Variants in TNKS1BP1 observed in about 807,000 individuals in gnomAD.
TNKS1BP1 encodes 182 kDa tankyrase-1-binding protein.
Under a neutral mutation model 141.1 loss-of-function variants are expected in TNKS1BP1, and 48 were observed. The observed-to-expected ratio is 0.34, with a 90% CI of 0.27 to 0.43. The LOEUF is 0.43. Ranked by LOEUF, TNKS1BP1 falls within the 20% of genes least tolerant of loss-of-function variation. The pLI is 1.00. For missense variants in TNKS1BP1, 2,149 were observed against 2,226.0 expected (o/e 0.97, Z 0.70); for synonymous variants, 875 against 898.2 (o/e 0.97, Z 0.46).
intron 6 of TNKS1BP1, among the ~76,000 whole-genome samples, chr11:57,307,336 C>A (rs922685935): frequency 2.6e-5 from 4 of 152,280 alleles, no homozygotes; most frequent in Middle Eastern, 3.4e-3. Flanking sequence ...GTCCTCAATG[C>A]AGCCTCAGTG....
chr11:57,309,547 T>G lies in TNKS1BP1; in HGVS notation c.3164A>C (p.Gln1055Pro). ...TCTCTCCTGATGCCCTCCCACCTCC[T>G]GGCTAGCATCACTGTTTTGCCAGCT... ...QSSWQNSDAS[Q>P]EVGGHQERQQ... Residue 1055 changes from glutamine to proline, a missense_variant, in exon 6 of 12, where the codon CAG becomes CCG. Transcript: ENST00000358252. The surrounding 1 kb of genome is among the most constrained non-coding windows in gnomAD (Gnocchi z 4.3). The G allele has an allele frequency of 6.2e-7, 1 of 1,613,434 alleles. No individual in the cohort carries two copies. Among genetic ancestry groups the G allele is most frequent in the South Asian group, 1.1e-5 (1 of 91,082 alleles).
At position 57,299,757 on chromosome 11, in the gene TNKS1BP1, T is replaced by TA. The variant is rs1855497478; in HGVS notation, c.*336dup. On this transcript the variant is annotated 3_prime_UTR_variant, in exon 12 of 12. Transcript: ENST00000358252. The stretch of plus-strand genomic sequence containing the variant: ...GGCAGGGATACAGTCCCACCCATTA[T>TA]AAAAATCAAAGGCTTTTATAAAAAA... 1 of 154,614 alleles carries TA rather than the reference T, an allele frequency of 6.5e-6. No homozygotes were observed. The highest frequency in any genetic ancestry group is 1.5e-5 in the Non-Finnish European group (1 of 68,164). The allele number at this position is 154,614 out of a possible 1,614,324, so 9.6% of individuals were successfully genotyped here. A position where few individuals can be genotyped will look rare whatever the true frequency, so the allele number is the denominator to read the frequency against.
At position 57,312,800 on chromosome 11, in the gene TNKS1BP1, G is replaced by T. The variant is rs140606307; in HGVS notation, c.1888C>A (p.Pro630Thr). ...GGGGCATCAGCAAAGAGAACACAGG[G>T]CTGGTCAGGGGCTGCTGGCTGCTCC... is the stretch of plus-strand genomic sequence containing the variant. ...GQEQPAAPDQ[P>T]CVLFADAPEP... Residue 630 changes from proline to threonine, a missense_variant, in exon 5 of 12, where the codon CCC becomes ACC. Transcript: ENST00000358252. The T allele has an allele frequency of 8.6e-5, 138 of 1,611,926 alleles. No individual in the cohort carries two copies. The African/African-American group carries it at 1.7e-3, about 19-fold the overall frequency.
intron 6 of TNKS1BP1, among the ~76,000 whole-genome samples, chr11:57,305,905 A>G (rs1855602319): frequency 1.3e-5 from 2 of 152,212 alleles, no homozygotes; most frequent in Admixed American, 1.3e-4. Context: ...ATGGACCCAG[A>G]GCCAGACCCC....
At chr11:57,319,931 G>T in intron 3 of TNKS1BP1, 148 bp downstream of exon 3, 1 of 917,340 alleles carries the variant, frequency 1.1e-6, no homozygotes, top group Non-Finnish European at 1.6e-6. Context: ...CCTAGATCGG[G>T]ATCTGCCTGT....
At chr11:57,321,658 G>C in intron 2 of TNKS1BP1, 134 bp downstream of exon 2, 1 of 992,276 alleles carries the variant, frequency 1.0e-6, no homozygotes, top group Non-Finnish European at 1.5e-6. Flanking sequence ...AACTCATCCT[G>C]TACTGCCTTG....
At position 57,302,777 on chromosome 11, in the gene TNKS1BP1, C is replaced by A. The variant is rs370032030; in HGVS notation, c.4365G>T (p.Leu1455=). The part of the protein sequence containing the change: ...ARPPPSGSQG[L]LEEMLAASSS... ...TGCTGGCTGCCAGCATCTCCTCCAGCAGGCCCTGGGAGCCGGAGGGTGGGG... is the reference window on the plus strand; with the variant it reads ...TGCTGGCTGCCAGCATCTCCTCCAGAAGGCCCTGGGAGCCGGAGGGTGGGG... The change falls in exon 7 of 12, where the codon CTG becomes CTT. Residue 1455 remains leucine, a synonymous_variant. Coordinates refer to ENST00000358252, the MANE Select transcript of TNKS1BP1 (RefSeq NM_033396.3). The surrounding 1 kb of genome is among the most constrained non-coding windows in gnomAD (Gnocchi z 5.5). 1 of 1,564,576 alleles carries A rather than the reference C, an allele frequency of 6.4e-7. No individual in the cohort carries two copies.
chr11:57,321,666 T>C, intron 2 of TNKS1BP1, 126 bp downstream of exon 2: 1 of 1,088,814 alleles, frequency 9.2e-7, no homozygotes. Flanking sequence ...CTGTACTGCC[T>C]TGGTACTCCT....
At position 57,312,640 on chromosome 11, in the gene TNKS1BP1, C is replaced by T. The variant is rs1412236515; in HGVS notation, c.2048G>A (p.Arg683His). The T allele has an allele frequency of 5.1e-6, 8 of 1,582,588 alleles. No individual in the cohort carries two copies. Among genetic ancestry groups the T allele is most frequent in the Admixed American group, 1.8e-5 (1 of 55,838 alleles). Residue 683 changes from arginine (R) to histidine (H), a missense_variant, in exon 5 of 12, where the codon CGC becomes CAC. Transcript: ENST00000358252. ...PEPPGPESSS[R>H]WLDDLLASPP... ...TGAAGCCAGGAGGTCGTCCAGCCAG[C>T]GGGAGCTGCTTTCAGGGCCTGGAGG...
chr11:57,311,009 A>G (rs1211119227), intron 5 of TNKS1BP1, among the ~76,000 whole-genome samples: 1 of 152,152 alleles, frequency 6.6e-6, no homozygotes, highest in Non-Finnish European at 1.5e-5. Context: ...AACACCAATG[A>G]CAGCTTTTCC....
At chr11:57,305,634 G>T (rs757059921) in intron 6 of TNKS1BP1, among the ~76,000 whole-genome samples, 1 of 152,084 alleles carries the variant, frequency 6.6e-6, no homozygotes, top group Non-Finnish European at 1.5e-5. Context: ...GACAGGGAGG[G>T]TGCCCAGAGA....
At position 57,309,090 on chromosome 11, in the gene TNKS1BP1, G is replaced by A; in HGVS notation, c.3621C>T (p.Gly1207=). The change falls in exon 6 of 12, where the codon GGC becomes GGT. Residue 1207 remains glycine, a synonymous_variant. Transcript: ENST00000358252. The surrounding 1 kb of genome is among the most constrained non-coding windows in gnomAD (Gnocchi z 4.3). ...GLSLRDMNLT[G]CLESGGSEEP... is the part of the protein sequence containing the mutation. ...CTTCAGACCCTCCACTTTCCAAACA[G>A]CCGGTCAGGTTCATGTCTCTCAAGC... The A allele has an allele frequency of 6.2e-7, 1 of 1,614,018 alleles. No homozygotes were observed. Among genetic ancestry groups the A allele is most frequent in the Non-Finnish European group, 8.5e-7 (1 of 1,180,010 alleles).
rs1401912433 is a variant in TNKS1BP1, at chr11:57,302,304, G to A, written c.4684-80C>T. 2 of 1,552,214 alleles carry A rather than the reference G, an allele frequency of 1.3e-6. No individual in the cohort carries two copies. The highest frequency in any genetic ancestry group is 1.7e-6 in the Non-Finnish European group (2 of 1,147,214). On this transcript the variant is annotated intron_variant, in intron 7 of 11. Transcript: ENST00000358252. The surrounding 1 kb of genome is among the most constrained non-coding windows in gnomAD (Gnocchi z 5.5). Reference sequence around the variant, plus strand: ...CCTCAACAGTAGCTGACCAGGAGCTGGACCCCTCCTGCAGCCGGAGCTTCA... The same window carrying A: ...CCTCAACAGTAGCTGACCAGGAGCTAGACCCCTCCTGCAGCCGGAGCTTCA...
At chr11:57,317,496 G>GTT (rs1855815779) in intron 4 of TNKS1BP1, among the ~76,000 whole-genome samples, 1 of 152,246 alleles carries the variant, frequency 6.6e-6, no homozygotes. Context: ...ACTAGCCAGA[G>GTT]TTATCACAAG....
rs1480295282 is a variant in TNKS1BP1, at chr11:57,306,908, G to GT, written c.4316+1486_4316+1487insA. Among the ~76,000 whole-genome samples the GT allele has an allele frequency of 6.2e-3, 940 of 150,576 alleles. 22 individuals carry two copies. Among genetic ancestry groups the GT allele is most frequent in the Non-Finnish European group, 0.01 (675 of 67,270 alleles). On this transcript the variant is annotated intron_variant, in intron 6 of 11. Transcript: ENST00000358252. The stretch of plus-strand genomic sequence containing the variant: ...AAGGCAGAGAGCTGTGGTGGTGGGG[G>GT]GGGGGGTTGGGTGGGAGGGGGGCAG...
Position 57,319,427 on chromosome 11 carries a change from T to C in TNKS1BP1, c.728+652A>G, listed in dbSNP as rs986896232. On this transcript the variant is annotated intron_variant, in intron 3 of 11. Transcript: ENST00000358252. ...CTAATACTCCCTTGAACAAACAGGATGCCAACGAGGCAAAGTTTGGTGCCC... is the reference window on the plus strand; with the variant it reads ...CTAATACTCCCTTGAACAAACAGGACGCCAACGAGGCAAAGTTTGGTGCCC... Among the ~76,000 whole-genome samples, 6 of 152,114 alleles carry C rather than the reference T, an allele frequency of 3.9e-5. No individual in the cohort carries two copies. In the South Asian group the frequency reaches 1.2e-3, roughly 31 times the overall value.
In TNKS1BP1 at chr11:57,312,778, G is replaced by A. The variant is rs745806768; in HGVS notation, c.1910C>T (p.Ala637Val). ...AGGCAGTGCCTGTCCAGGCTCAGGG[G>A]CATCAGCAAAGAGAACACAGGGCTG... ...PDQPCVLFAD[A>V]PEPGQALPVE... Residue 637 changes from alanine to valine, a missense_variant, in exon 5 of 12, where the codon GCC (alanine) becomes GTC (valine). By Grantham distance (64) the Ala-to-Val change is moderately conservative. Transcript: ENST00000358252. 1 of 1,608,350 alleles carries A rather than the reference G, an allele frequency of 6.2e-7. No homozygotes were observed. Among genetic ancestry groups the A allele is most frequent in the Non-Finnish European group, 8.5e-7 (1 of 1,176,720 alleles).
chr11:57,307,652 A>G (rs1855633789), intron 6 of TNKS1BP1, among the ~76,000 whole-genome samples: 1 of 152,202 alleles, frequency 6.6e-6, no homozygotes, highest in Non-Finnish European at 1.5e-5. Flanking sequence ...TCTGCTCACT[A>G]AAGGGAATAA....
chr11:57,307,390 C>T (rs1855629837), intron 6 of TNKS1BP1, among the ~76,000 whole-genome samples: 1 of 152,124 alleles, frequency 6.6e-6, no homozygotes, highest in Admixed American at 6.5e-5. Context: ...CCTGAGTCGT[C>T]AGGAAGCTCC....
Sources: gnomAD v4.1 joint callset for allele counts (sites outside exome capture counted in the v4.1 genomes callset) on GRCh38, gnomAD v4.1.1 for gene constraint, Gnocchi (gnomAD v3.1) non-coding constraint, MANE v1.5 for transcripts, NCBI Gene and HGNC (gene_info 2026-07-23, HGNC 2026-07-21) for gene names.